LMO7: variants seen among roughly 807,000 people sequenced by gnomAD.
The protein encoded by LMO7 is LIM domain only protein 7.
A neutral mutation model predicts 206.5 loss-of-function variants in LMO7; 120 were observed. The ratio of observed to expected loss-of-function variants is 0.58; its 90% confidence interval spans 0.50 to 0.68. The LOEUF (loss-of-function observed/expected upper bound fraction) is 0.68, where lower values mean the gene tolerates loss of function less well. LMO7 is among the 30% of genes least tolerant of loss of function. The pLI is 0.00. For synonymous variants in LMO7, 706 were observed against 681.5 expected (o/e 1.04, Z -0.56); for missense variants, 1,959 against 1,957.9 (o/e 1.00, Z -0.01).
intron 4 of LMO7, among the ~76,000 whole-genome samples, chr13:75,776,126 C>CATACAT (rs1490326956): frequency 1.5e-4 from 11 of 73,826 alleles, no homozygotes; most frequent in East Asian, 4.5e-4. Flanking sequence ...TACATACATA[C>CATACAT]ATATATATAT....
At chr13:75,621,649 A>G (rs1302250839) in exon 1 of LMO7, 1 of 1,199,500 alleles carries the variant, frequency 8.3e-7, no homozygotes, top group African/African-American at 1.5e-5. Flanking sequence ...AGTTCAATAT[A>G]TGGGTACGGT....
At chr13:75,719,745 A>G (rs779221815) in intron 2 of LMO7, among the ~76,000 whole-genome samples, 6 of 152,170 alleles carry the variant, frequency 3.9e-5, no homozygotes, top group Non-Finnish European at 7.3e-5. Context: ...TCTTTTCTTC[A>G]TAAATTACCT....
At position 75,852,959 on chromosome 13, in the gene LMO7, T is replaced by C. The variant is rs568186574; in HGVS notation, c.4365-133T>C. 20 of 707,388 alleles carry C rather than the reference T, an allele frequency of 2.8e-5. No individual in the cohort carries two copies. In the South Asian group the frequency reaches 3.9e-4, roughly 14 times the overall value. The allele number at this position is 707,388 out of a possible 1,614,324, so 43.8% of individuals were successfully genotyped here. A position where few individuals can be genotyped will look rare whatever the true frequency, so the allele number is the denominator to read the frequency against. On this transcript the variant is annotated intron_variant, in intron 27 of 30. Coordinates refer to ENST00000377534, the MANE Select transcript of LMO7 (RefSeq NM_001306080.2). ...TCATACATCAAGGAACATCTGTATA[T>C]GTAACTAGAATACTTAGATTAATAT...
intron 2 of LMO7, among the ~76,000 whole-genome samples, chr13:75,720,789 GTTAACTT>G (rs1210187773): frequency 1.3e-5 from 2 of 152,130 alleles, no homozygotes; most frequent in African/African-American, 4.8e-5. Flanking sequence ...AGCATTTACT[GTTAACTT>G]TTACTGTGTG....
intron 1 of LMO7, among the ~76,000 whole-genome samples, chr13:75,646,286 A>G (rs573908903): frequency 5.3e-5 from 8 of 152,314 alleles, no homozygotes; most frequent in Non-Finnish European, 7.3e-5. Context: ...TGCCACATCC[A>G]CCATCACCTT....
exon 1 of LMO7, chr13:75,621,137 A>G (rs1420822315): frequency 2.0e-5 from 3 of 152,226 alleles, no homozygotes; most frequent in African/African-American, 7.2e-5. Context: ...AATGTTATCT[A>G]TTATTACCAT....
At chr13:75,704,029 T>C (rs1209007287) in intron 1 of LMO7, among the ~76,000 whole-genome samples, 1 of 152,138 alleles carries the variant, frequency 6.6e-6, no homozygotes, top group Non-Finnish European at 1.5e-5. Context: ...ATTTGATGTG[T>C]TTTGTGGAGT....
intron 11 of LMO7, among the ~76,000 whole-genome samples, chr13:75,813,697 G>A (rs902259081): frequency 1.3e-5 from 2 of 152,170 alleles, no homozygotes; most frequent in Non-Finnish European, 2.9e-5. Context: ...CGTGTTGGGG[G>A]CACCCAGGAG....
At chr13:75,659,730 G>A (rs574097823) in intron 1 of LMO7, among the ~76,000 whole-genome samples, 6 of 152,126 alleles carry the variant, frequency 3.9e-5, no homozygotes, top group South Asian at 4.2e-4. Context: ...CATATCACCT[G>A]CTTTCTTGGA....
At chr13:75,799,630 T>G (rs537691920) in intron 6 of LMO7, among the ~76,000 whole-genome samples, 24 of 152,352 alleles carry the variant, frequency 1.6e-4, no homozygotes, top group African/African-American at 5.8e-4. Context: ...CATGACTTAA[T>G]CAAGGTTCAC....
intron 3 of LMO7, among the ~76,000 whole-genome samples, chr13:75,749,320 G>A (rs565920355): frequency 2.0e-5 from 3 of 152,262 alleles, no homozygotes; most frequent in African/African-American, 7.2e-5. Context: ...TTTTCTTAAA[G>A]TAATTATTTG....
intron 26 of LMO7, 53 bp from the exon 27 acceptor site, chr13:75,849,026 T>A: frequency 9.5e-7 from 1 of 1,050,206 alleles, no homozygotes; most frequent in Non-Finnish European, 1.4e-6. Context: ...CAATCATCAC[T>A]GTCACTTTTA....
In LMO7 at chr13:75,671,762, G is replaced by C. The variant is rs186514332; in HGVS notation, c.69+35036G>C. Among the ~76,000 whole-genome samples the C allele has an allele frequency of 4.5e-4, 69 of 152,240 alleles. No homozygotes were observed. The South Asian group carries it at 8.7e-3, about 19-fold the overall frequency. On this transcript the variant is annotated intron_variant, in intron 1 of 30. Coordinates refer to ENST00000377534, the MANE Select transcript of LMO7 (RefSeq NM_001306080.2). Reference sequence around the variant, plus strand: ...TTATATTAAAGACATTTTGGATCCTGCCCTTCTCAGGTGCTTTGCCAAGGA... The same window carrying C: ...TTATATTAAAGACATTTTGGATCCTCCCCTTCTCAGGTGCTTTGCCAAGGA...
At chr13:75,695,484 C>T (rs569110744) in intron 1 of LMO7, among the ~76,000 whole-genome samples, 1 of 152,346 alleles carries the variant, frequency 6.6e-6, no homozygotes, top group East Asian at 1.9e-4. Flanking sequence ...GTAGCTGGGA[C>T]TACTGGCACA....
chr13:75,702,083 T>A (rs1334140826), intron 1 of LMO7, among the ~76,000 whole-genome samples: 2 of 152,226 alleles, frequency 1.3e-5, no homozygotes, highest in Non-Finnish European at 2.9e-5. Context: ...TCTCGTGGAC[T>A]AGAAATGTTT....
intron 3 of LMO7, among the ~76,000 whole-genome samples, chr13:75,742,846 T>C (rs960342142): frequency 6.6e-6 from 1 of 152,148 alleles, no homozygotes; most frequent in Non-Finnish European, 1.5e-5. Flanking sequence ...CCAAAAGCAA[T>C]TGCAACAAAA....
intron 1 of LMO7, among the ~76,000 whole-genome samples, chr13:75,700,911 C>T (rs1372235160): frequency 6.6e-6 from 1 of 152,196 alleles, no homozygotes; most frequent in Non-Finnish European, 1.5e-5. Context: ...TGGGTAACTG[C>T]AACTACAGAA....
rs1314164334 is a variant in LMO7, at chr13:75,807,892, A to G, written c.1609A>G (p.Arg537Gly). 8.7e-6 allele frequency: 14 copies of G among 1,613,880 alleles called. No individual in the cohort carries two copies. The highest frequency in any genetic ancestry group is 1.2e-5 in the Non-Finnish European group (14 of 1,179,902). ...KEVPLSGAPD[R>G]YHPVPFPEPW... ...AGTGCCGCTGTCTGGGGCCCCAGAT[A>G]GATACCACCCAGTCCCTTTTCCCGA... The change falls in exon 10 of 31, where the codon AGA becomes GGA. Residue 537 changes from arginine to glycine, a missense_variant. Coordinates refer to ENST00000377534, the MANE Select transcript of LMO7 (RefSeq NM_001306080.2).
intron 1 of LMO7, among the ~76,000 whole-genome samples, chr13:75,685,155 A>AT (rs1427266801): frequency 6.6e-6 from 1 of 152,152 alleles, no homozygotes; most frequent in Non-Finnish European, 1.5e-5. Flanking sequence ...ACATGAAAAG[A>AT]TTTCACCTGA....
Sources: allele counts gnomAD v4.1 joint callset (sites outside exome capture counted in the v4.1 genomes callset), GRCh38; gene constraint gnomAD v4.1.1; transcripts MANE v1.5; gene names NCBI Gene and HGNC (gene_info 2026-07-23, HGNC 2026-07-21).